Variants in SH3BP4 observed in about 807,000 individuals in gnomAD.
SH3BP4 encodes SH3 domain binding protein 4.
Under a neutral mutation model 65.5 loss-of-function variants are expected in SH3BP4, and 33 were observed. The ratio of observed to expected loss-of-function variants is 0.50; its 90% CI spans 0.38 to 0.67. The LOEUF is 0.67. Ranked by LOEUF, SH3BP4 falls within the 30% of genes least tolerant of loss-of-function variation. The probability of loss-of-function intolerance (pLI) is 0.00; values close to 1 mark genes in which losing one functional copy is unlikely to be tolerated. For missense variants in SH3BP4, 1,134 were observed against 1,261.4 expected (o/e 0.90, Z 1.53); for synonymous variants, 552 against 545.5 (o/e 1.01, Z -0.17).
In SH3BP4 at chr2:235,045,468, G is replaced by A. The variant is rs916827866; in HGVS notation, c.2478+2221G>A. On this transcript the variant is annotated intron_variant, in intron 4 of 5. Transcript: ENST00000392011. The surrounding 1 kb of genome is among the most constrained non-coding windows in gnomAD (Gnocchi z 4.3). ...GATTTTTTGGTGGGCCTCCCTGTCCGCTCCAGGGAGGGGTGTGTCCTCTGT... is the reference window on the plus strand; with the variant it reads ...GATTTTTTGGTGGGCCTCCCTGTCCACTCCAGGGAGGGGTGTGTCCTCTGT... Among the ~76,000 whole-genome samples the A allele has an allele frequency of 6.6e-6, 1 of 152,090 alleles. No homozygotes were observed. The highest frequency in any genetic ancestry group is 6.5e-5 in the Admixed American group (1 of 15,278).
At chr2:234,969,866 C>T (rs934251641) in intron 1 of SH3BP4, among the ~76,000 whole-genome samples, 5 of 152,084 alleles carry the variant, frequency 3.3e-5, no homozygotes, top group African/African-American at 1.2e-4. Flanking sequence ...CTTTCTCTGT[C>T]TCTCTCACAC....
intron 3 of SH3BP4, among the ~76,000 whole-genome samples, chr2:235,038,338 AGTAT>A (rs1221100153): frequency 5.8e-4 from 4 of 6,854 alleles, no homozygotes; most frequent in African/African-American, 1.3e-3. Context: ...TATTATATAT[AGTAT>A]ATATATTTTA....
rs1247075401 is a variant in SH3BP4, at chr2:235,052,538, C to G, written c.2479-24C>G. 5.9e-6 allele frequency: 9 copies of G among 1,528,928 alleles called. No homozygotes were observed. In the South Asian group the frequency reaches 8.6e-5, roughly 15 times the overall value. The allele number at this position is 1,528,928 out of a possible 1,614,324, so 94.7% of individuals were successfully genotyped here. On this transcript the variant is annotated intron_variant, in intron 4 of 5. Transcript: ENST00000392011. This position sits in a 1 kb window ranked among gnomAD's most constrained non-coding sequence, Gnocchi z 5.0. ...CTGCCCCACTCCCTACACTGTCTCA[C>G]GCTGTGTGCCTCTTCCTCTGCAGGC... is the stretch of plus-strand genomic sequence containing the variant.
intron 2 of SH3BP4, among the ~76,000 whole-genome samples, chr2:235,003,316 G>A (rs1694189919): frequency 6.6e-6 from 1 of 152,226 alleles, no homozygotes. Context: ...ACCAGATTCT[G>A]GGGTGGACTT....
intron 1 of SH3BP4, among the ~76,000 whole-genome samples, chr2:234,988,087 T>A (rs1481433107): frequency 6.6e-6 from 1 of 151,716 alleles, no homozygotes; most frequent in Non-Finnish European, 1.5e-5. Flanking sequence ...TGAGTCAGAG[T>A]CTCACTCTGT....
At position 235,033,036 on chromosome 2, in the gene SH3BP4, G is replaced by A. The variant is rs1413980163; in HGVS notation, c.-132-1835G>A. ...CCACTCTGCCCCTCCTTACACTGCT[G>A]GGTAGGAGAGACGGCGGGGCTGGGC... On this transcript the variant is annotated intron_variant, in intron 2 of 5. Coordinates refer to ENST00000392011, the MANE Select transcript of SH3BP4 (RefSeq NM_014521.3). This position sits in a 1 kb window ranked among gnomAD's most constrained non-coding sequence, Gnocchi z 5.7. 2.6e-5 allele frequency among the ~76,000 whole-genome samples: 4 copies of A among 152,310 alleles called. No homozygotes were observed. The highest frequency in any genetic ancestry group is 5.9e-5 in the Non-Finnish European group (4 of 68,014).
chr2:234,971,274 A>G (rs1446599692), intron 1 of SH3BP4, among the ~76,000 whole-genome samples: 1 of 152,222 alleles, frequency 6.6e-6, no homozygotes, highest in East Asian at 1.9e-4. Flanking sequence ...TGTGATTGGC[A>G]TATTTCACTT....
At chr2:234,961,049 G>A (rs1474560620) in intron 1 of SH3BP4, among the ~76,000 whole-genome samples, 1 of 152,180 alleles carries the variant, frequency 6.6e-6, no homozygotes, top group Non-Finnish European at 1.5e-5. Context: ...AGCAGGGGGT[G>A]TCTGAGCCCC....
chr2:234,996,058 C>G (rs1270416657), intron 2 of SH3BP4: 2 of 152,238 alleles, frequency 1.3e-5, no homozygotes, highest in Non-Finnish European at 2.9e-5. Flanking sequence ...GGAACACCCT[C>G]CTTTGTAAAG....
At chr2:235,010,888 ACCCTTCCTCCCTCTCCTAGGAGAG>A (rs1694470374) in intron 2 of SH3BP4, among the ~76,000 whole-genome samples, 1 of 135,440 alleles carries the variant, frequency 7.4e-6, no homozygotes, top group Admixed American at 7.2e-5. Flanking sequence ...CTCTTCTAGA[ACCCTTCCTCCCTCTCCTAGGAGAG>A]CCCTTCCTCC....
At chr2:235,037,666 A>T (rs1373591845) in intron 3 of SH3BP4, among the ~76,000 whole-genome samples, 2 of 152,028 alleles carry the variant, frequency 1.3e-5, no homozygotes, top group African/African-American at 4.8e-5. Flanking sequence ...GCTCTATTTA[A>T]TTTTCATTTA....
chr2:234,992,723 C>T (rs533805698), intron 1 of SH3BP4, among the ~76,000 whole-genome samples: 1 of 131,104 alleles, frequency 7.6e-6, no homozygotes, highest in East Asian at 2.2e-4. Context: ...TGGGTCTGGG[C>T]AGCACCTGGA....
rs1695011930 is a variant in SH3BP4 at position 235,026,704 on chromosome 2, G to A, written c.-132-8167G>A. Among the ~76,000 whole-genome samples, 2 of 152,202 alleles carry A rather than the reference G, an allele frequency of 1.3e-5. No homozygotes were observed. Among genetic ancestry groups the A allele is most frequent in the Admixed American group, 1.3e-4 (2 of 15,284 alleles). The stretch of plus-strand genomic sequence containing the variant: ...CTTTCTCAAACTCAGACTGGAACGT[G>A]TGGTCCTGCCCTCGTTCCTCATTTT... On this transcript the variant is annotated intron_variant, in intron 2 of 5. Coordinates refer to ENST00000392011, the MANE Select transcript of SH3BP4 (RefSeq NM_014521.3). This position sits in a 1 kb window ranked among gnomAD's most constrained non-coding sequence, Gnocchi z 4.6.
rs550649487 is a variant in SH3BP4 at position 235,030,235 on chromosome 2, G to A, written c.-132-4636G>A. Among the ~76,000 whole-genome samples the A allele has an allele frequency of 6.6e-6, 1 of 152,248 alleles. No homozygotes were observed. The highest frequency in any genetic ancestry group is 2.1e-4 in the South Asian group (1 of 4,810). On this transcript the variant is annotated intron_variant, in intron 2 of 5. Coordinates refer to ENST00000392011, the MANE Select transcript of SH3BP4 (RefSeq NM_014521.3). The surrounding 1 kb of genome is among the most constrained non-coding windows in gnomAD (Gnocchi z 4.1). The stretch of plus-strand genomic sequence containing the variant: ...GGTGAGGAGCTTGAGGAGCTCCAGG[G>A]GCCCAGCAGCCACTGGCAGCGAAGG...
chr2:234,998,422 G>T (rs542029810), intron 2 of SH3BP4, among the ~76,000 whole-genome samples: 3 of 152,354 alleles, frequency 2.0e-5, no homozygotes, highest in African/African-American at 7.2e-5. Flanking sequence ...CCCACTCTTC[G>T]CAGGGCGACT....
intron 2 of SH3BP4, among the ~76,000 whole-genome samples, chr2:235,012,371 G>T (rs1189802979): frequency 6.6e-6 from 1 of 152,244 alleles, no homozygotes; most frequent in East Asian, 1.9e-4. Flanking sequence ...AAGGGTGGTG[G>T]CTACAAATGT....
chr2:234,976,214 G>A lies in SH3BP4; in HGVS notation c.-206-19089G>A, dbSNP rs1158745507. 1.3e-5 allele frequency among the ~76,000 whole-genome samples: 2 copies of A among 152,208 alleles called. No individual in the cohort carries two copies. Among genetic ancestry groups the A allele is most frequent in the Non-Finnish European group, 2.9e-5 (2 of 68,048 alleles). ...GAGCGGCTCCTGCGGGGTGGCCCGG[G>A]TTACCCCAGCAGCAGCCCACCTGGC... On this transcript the variant is annotated intron_variant, in intron 1 of 5. Transcript: ENST00000392011. This position sits in a 1 kb window ranked among gnomAD's most constrained non-coding sequence, Gnocchi z 4.7.
intron 2 of SH3BP4, among the ~76,000 whole-genome samples, chr2:235,022,584 T>C (rs1239548885): frequency 2.6e-5 from 4 of 151,960 alleles, no homozygotes; most frequent in Non-Finnish European, 5.9e-5. Flanking sequence ...GGAGGGTGGA[T>C]TGAAATGTTG....
Position 234,997,608 on chromosome 2 carries a change from G to A in SH3BP4, c.-133+2232G>A, listed in dbSNP as rs547739233. On this transcript the variant is annotated intron_variant, in intron 2 of 5. Transcript: ENST00000392011. This position sits in a 1 kb window ranked among gnomAD's most constrained non-coding sequence, Gnocchi z 4.2. The stretch of plus-strand genomic sequence containing the variant: ...GTCAGCTAGGGGACGGAGCCGGTGC[G>A]GAGATCGAGGCCCCACAAGGCCTGC... Among the ~76,000 whole-genome samples the A allele has an allele frequency of 8.5e-5, 13 of 152,296 alleles. No homozygotes were observed. Among genetic ancestry groups the A allele is most frequent in the Non-Finnish European group, 1.3e-4 (9 of 68,028 alleles).
Sources: allele counts gnomAD v4.1 joint callset (sites outside exome capture counted in the v4.1 genomes callset), GRCh38; gene constraint gnomAD v4.1.1; non-coding constraint Gnocchi (gnomAD v3.1); transcripts MANE v1.5; gene names NCBI Gene and HGNC (gene_info 2026-07-23, HGNC 2026-07-21).